The following SLC30A4 variants were observed in gnomAD, a reference collection of about 807,000 sequenced individuals.
SLC30A4 encodes solute carrier family 30 member 4.
SLC30A4 carries 20 observed loss-of-function variants against 41.7 expected under a neutral mutation model. The observed-to-expected ratio is 0.48, with a 90% CI of 0.34 to 0.70. The LOEUF is 0.70. Among genes scored for constraint, SLC30A4 ranks in the 30% least tolerant of loss-of-function variants. The probability of loss-of-function intolerance (pLI) is 0.01; values close to 1 mark genes in which losing one functional copy is unlikely to be tolerated. For synonymous variants in SLC30A4, 181 were observed against 195.9 expected, an observed-to-expected ratio of 0.92 and a Z score of 0.64; for missense variants, 441 against 529.3, an observed-to-expected ratio of 0.83 and a Z score of 1.64.
At chr15:45,521,712 C>T in intron 2 of SLC30A4, 1 of 439,790 alleles carries the variant, frequency 2.3e-6, no homozygotes, top group East Asian at 3.5e-5. Flanking sequence ...ATGAAGATAA[C>T]GTCCTTAACT....
chr15:45,485,999 G>A (rs753641340), intron 7 of SLC30A4, among the ~76,000 whole-genome samples: 2 of 151,822 alleles, frequency 1.3e-5, no homozygotes, highest in Non-Finnish European at 2.9e-5. Flanking sequence ...GATTACAGGC[G>A]TGAGTCAACG....
In SLC30A4 at chr15:45,511,302, G is replaced by A. The variant is rs1477320733; in HGVS notation, c.392-18C>T. ...GTATCCACCTTAGAGTTACAAGTAG[G>A]AGAAAAAAGGAACAAGTTAATTTTT... On this transcript the variant is annotated intron_variant, in intron 2 of 7. Coordinates refer to ENST00000261867, the MANE Select transcript of SLC30A4 (RefSeq NM_013309.6). The A allele has an allele frequency of 2.0e-6, 3 of 1,488,608 alleles. No homozygotes were observed. Among genetic ancestry groups the A allele is most frequent in the Admixed American group, 2.3e-5 (1 of 43,588 alleles). The allele number at this position is 1,488,608 out of a possible 1,614,324, so 92.2% of individuals were successfully genotyped here. A position where few individuals can be genotyped will look rare whatever the true frequency, so the allele number is the denominator to read the frequency against.
intron 2 of SLC30A4, chr15:45,521,711 ACGT>A: frequency 2.3e-6 from 1 of 437,476 alleles, no homozygotes; most frequent in Non-Finnish European, 4.0e-6. Context: ...AATGAAGATA[ACGT>A]CCTTAACTTT....
intron 3 of SLC30A4, among the ~76,000 whole-genome samples, chr15:45,493,050 T>A (rs527359348): frequency 1.3e-5 from 2 of 152,292 alleles, no homozygotes; most frequent in Admixed American, 6.5e-5. Flanking sequence ...GGCGGGCGGA[T>A]CACCTGAGGT....
rs1891797021 is a variant in SLC30A4 at position 45,490,821 on chromosome 15, T to C, written c.599A>G (p.Tyr200Cys). 1 of 1,610,644 alleles carries C rather than the reference T, an allele frequency of 6.2e-7. No individual in the cohort carries two copies. Among genetic ancestry groups the C allele is most frequent in the Non-Finnish European group, 8.5e-7 (1 of 1,177,752 alleles). Residue 200 changes from tyrosine (Y) to cysteine (C), a missense_variant, in exon 4 of 8, where the codon TAT becomes TGT. Transcript: ENST00000261867. ...ATGGATAGTTCTTTGCACAGCTTCA[T>C]ATAAGAGGAATCCCATAAGTATATA... ...LVYILMGFLL[Y>C]EAVQRTIHMN...
intron 3 of SLC30A4, chr15:45,502,040 A>G (rs1367274047): frequency 1.3e-5 from 2 of 151,292 alleles, no homozygotes; most frequent in African/African-American, 4.8e-5. Flanking sequence ...TAAATCAAAC[A>G]CGGGTGATTT....
chr15:45,481,715 C>T lies in SLC30A4; in HGVS notation c.*3448G>A, dbSNP rs1891604308. 6.6e-6 allele frequency: 1 copy of T among 152,122 alleles called. No individual in the cohort carries two copies. The highest frequency in any genetic ancestry group is 2.1e-4 in the South Asian group (1 of 4,824). 9.4% of individuals were successfully genotyped at this position (152,122 alleles called of 1,614,324 possible). A position where few individuals can be genotyped will look rare whatever the true frequency, so the allele number is the denominator to read the frequency against. Reference sequence around the variant, plus strand: ...CAACAAGTGAAGGATAGACCAAACGCTTTTTGTCAGAAGTCATTCAGTCCT... The same window carrying T: ...CAACAAGTGAAGGATAGACCAAACGTTTTTTGTCAGAAGTCATTCAGTCCT... On this transcript the variant is annotated 3_prime_UTR_variant, in exon 8 of 8. Coordinates refer to ENST00000261867, the MANE Select transcript of SLC30A4 (RefSeq NM_013309.6).
intron 7 of SLC30A4, 42 bp from the exon 8 acceptor site, chr15:45,485,359 T>C (rs748522669): frequency 8.5e-6 from 12 of 1,407,848 alleles, no homozygotes; most frequent in Non-Finnish European, 1.2e-5. Context: ...ATTGTACAGT[T>C]ACATCTTGAA....
intron 7 of SLC30A4, among the ~76,000 whole-genome samples, chr15:45,486,001 G>A (rs553937044): frequency 6.6e-6 from 1 of 151,952 alleles, no homozygotes; most frequent in East Asian, 1.9e-4. Flanking sequence ...TTACAGGCGT[G>A]AGTCAACGCG....
intron 2 of SLC30A4, among the ~76,000 whole-genome samples, chr15:45,518,654 C>G (rs1053820747): frequency 6.6e-6 from 1 of 152,150 alleles, no homozygotes; most frequent in African/African-American, 2.4e-5. Flanking sequence ...CCTCCACCCC[C>G]TGGGCTCAAC....
chr15:45,516,724 G>C (rs1595532734), intron 2 of SLC30A4, among the ~76,000 whole-genome samples: 1 of 152,048 alleles, frequency 6.6e-6, no homozygotes, highest in Non-Finnish European at 1.5e-5. Flanking sequence ...CTAAAAAGTA[G>C]CTGGGCGTGA....
intron 3 of SLC30A4, among the ~76,000 whole-genome samples, chr15:45,493,483 T>A (rs1029887249): frequency 2.0e-5 from 3 of 152,014 alleles, no homozygotes; most frequent in Non-Finnish European, 4.4e-5. Flanking sequence ...CACAAAAAAA[T>A]TATCTAGCAA....
intron 3 of SLC30A4, among the ~76,000 whole-genome samples, chr15:45,503,642 C>T (rs1892088725): frequency 6.8e-6 from 1 of 146,638 alleles, no homozygotes; most frequent in Non-Finnish European, 1.5e-5. Flanking sequence ...GAACTCAAAA[C>T]AAAAAAAAAC....
At chr15:45,496,104 A>G (rs1891902316) in intron 3 of SLC30A4, among the ~76,000 whole-genome samples, 1 of 152,228 alleles carries the variant, frequency 6.6e-6, no homozygotes, top group Non-Finnish European at 1.5e-5. Context: ...TATAATTGGA[A>G]GTATAAAGCA....
At chr15:45,504,452 C>T (rs2140834322) in intron 3 of SLC30A4, among the ~76,000 whole-genome samples, 1 of 152,272 alleles carries the variant, frequency 6.6e-6, no homozygotes, top group South Asian at 2.1e-4. Flanking sequence ...TATTTCTGTT[C>T]CATTACATAA....
intron 3 of SLC30A4, among the ~76,000 whole-genome samples, chr15:45,491,497 C>T (rs937649479): frequency 1.3e-5 from 2 of 152,124 alleles, no homozygotes; most frequent in African/African-American, 2.4e-5. Context: ...GAGGCTGAGA[C>T]GGAAGGATCA....
intron 3 of SLC30A4, among the ~76,000 whole-genome samples, chr15:45,509,464 G>A (rs892617539): frequency 6.6e-6 from 1 of 152,036 alleles, no homozygotes; most frequent in African/African-American, 2.4e-5. Flanking sequence ...ATGTTGGCTA[G>A]GCTGGTCTTG....
At chr15:45,503,394 G>A (rs972942368) in intron 3 of SLC30A4, among the ~76,000 whole-genome samples, 2 of 151,878 alleles carry the variant, frequency 1.3e-5, no homozygotes, top group Non-Finnish European at 2.9e-5. Flanking sequence ...TGAGGCGGGC[G>A]GATCACAAGG....
chr15:45,496,836 T>TATAAATAA lies in SLC30A4; in HGVS notation c.539-5963_539-5956dup, dbSNP rs77966458. Among the ~76,000 whole-genome samples the TATAAATAA allele has an allele frequency of 7.1e-3, 976 of 137,094 alleles. 8 individuals are homozygous for TATAAATAA. Among genetic ancestry groups the TATAAATAA allele is most frequent in the Non-Finnish European group, 0.01 (650 of 64,026 alleles). 89.9% of individuals were successfully genotyped at this position (137,094 alleles called of 152,430 possible). A position where few individuals can be genotyped will look rare whatever the true frequency, so the allele number is the denominator to read the frequency against. ...CATGGTGAAATCCCATCTCTGAAAA[T>TATAAATAA]ATAAATAAATAAATAAATAAATAAA... On this transcript the variant is annotated intron_variant, in intron 3 of 7. Transcript: ENST00000261867.
Sources: gnomAD v4.1 joint callset for allele counts (sites outside exome capture counted in the v4.1 genomes callset) on GRCh38, gnomAD v4.1.1 for gene constraint, MANE v1.5 for transcripts, NCBI Gene and HGNC (gene_info 2026-07-23, HGNC 2026-07-21) for gene names.